The following NFASC variants were observed in gnomAD, a reference collection of about 807,000 sequenced individuals.
The protein encoded by NFASC is neurofascin, also known as neurofascin homolog.
In NFASC, 43 loss-of-function variants were observed where a neutral mutation model predicts 147.5. The ratio of observed to expected loss-of-function variants is 0.29; its 90% CI spans 0.23 to 0.38. The LOEUF is 0.38. Among genes scored for constraint, NFASC ranks in the 10% least tolerant of loss-of-function variants. The pLI is 1.00. For synonymous variants in NFASC, 622 were observed against 665.5 expected, an observed-to-expected ratio of 0.93 and a Z score of 1.01; for missense variants, 1,320 against 1,689.0, an observed-to-expected ratio of 0.78 and a Z score of 3.83.
At chr1:204,865,956 C>T (rs2077070873) in intron 1 of NFASC, among the ~76,000 whole-genome samples, 1 of 152,146 alleles carries the variant, frequency 6.6e-6, no homozygotes, top group South Asian at 2.1e-4. Context: ...TCCATTTGTA[C>T]CACACCCTTA....
chr1:204,930,820 G>T (rs2092300144), intron 2 of NFASC, among the ~76,000 whole-genome samples: 1 of 152,218 alleles, frequency 6.6e-6, no homozygotes, highest in South Asian at 2.1e-4. Context: ...GATGGCAGGA[G>T]GTGCAGAAAG....
intron 1 of NFASC, among the ~76,000 whole-genome samples, chr1:204,910,235 G>A (rs535822831): frequency 2.0e-5 from 3 of 152,232 alleles, no homozygotes; most frequent in Non-Finnish European, 2.9e-5. Flanking sequence ...CTCCATTTAT[G>A]TAGATATTTG....
intron 20 of NFASC, among the ~76,000 whole-genome samples, chr1:204,980,706 C>T (rs1351299814): frequency 6.6e-6 from 1 of 152,180 alleles, no homozygotes; most frequent in East Asian, 1.9e-4. Flanking sequence ...TCTAGCAAAA[C>T]GCATAGAGGA....
chr1:204,923,245 C>T (rs1277009458), intron 2 of NFASC, among the ~76,000 whole-genome samples: 1 of 152,162 alleles, frequency 6.6e-6, no homozygotes, highest in East Asian at 1.9e-4. Context: ...GGAGGAAGCC[C>T]TCCGTTTATC....
chr1:204,997,870 C>T (rs531595542), intron 25 of NFASC: 131 of 207,078 alleles, frequency 6.3e-4, no homozygotes, highest in African/African-American at 2.8e-3. Flanking sequence ...CGTCTGCGTC[C>T]GGCCTAGAGG....
chr1:204,922,581 T>C (rs1235536320), intron 2 of NFASC, among the ~76,000 whole-genome samples: 2 of 152,196 alleles, frequency 1.3e-5, no homozygotes, highest in African/African-American at 4.8e-5. Context: ...TAAGGCTCTC[T>C]GAGAAGTTAT....
At chr1:204,875,897 C>G (rs2078690041) in intron 1 of NFASC, among the ~76,000 whole-genome samples, 1 of 152,030 alleles carries the variant, frequency 6.6e-6, no homozygotes, top group Non-Finnish European at 1.5e-5. Flanking sequence ...CTGATAGGGT[C>G]TTTGTTTGAC....
intron 14 of NFASC, 110 bp downstream of exon 14, chr1:204,974,933 C>T: frequency 8.7e-7 from 1 of 1,150,336 alleles, no homozygotes; most frequent in Non-Finnish European, 1.3e-6. Flanking sequence ...TGTCTTTAAC[C>T]TGGAGTGGGC....
Position 204,990,939 on chromosome 1 carries a change from G to A in NFASC, c.2768-353G>A, listed in dbSNP as rs72753442. On this transcript the variant is annotated intron_variant, in intron 23 of 29. Transcript: ENST00000339876. ...CAACCTAGCCAGAGCAGGACATGCT[G>A]TTGAGGACAGAGCTGGGAACATAAT... Among the ~76,000 whole-genome samples the A allele has an allele frequency of 5.5e-3, 838 of 152,354 alleles. 11 individuals carry two copies. The highest frequency in any genetic ancestry group is 0.011 in the South Asian group (54 of 4,830).
rs12117381 is a variant in NFASC, at chr1:204,941,313, C to T, written c.-90-2913C>T. On this transcript the variant is annotated intron_variant, in intron 2 of 29. Transcript: ENST00000339876. ...AGAGGAAAGAGGGAGAGAATTGCTACACAGCTAAATGTGATTATCTTGAGA... is the reference window on the plus strand; with the variant it reads ...AGAGGAAAGAGGGAGAGAATTGCTATACAGCTAAATGTGATTATCTTGAGA... Among the ~76,000 whole-genome samples the T allele has an allele frequency of 3.5e-3, 539 of 152,344 alleles. 3 individuals carry two copies. Among genetic ancestry groups the T allele is most frequent in the Non-Finnish European group, 6.0e-3 (409 of 68,034 alleles).
chr1:204,943,789 A>G (rs1272946718), intron 2 of NFASC, among the ~76,000 whole-genome samples: 5 of 152,184 alleles, frequency 3.3e-5, no homozygotes, highest in Non-Finnish European at 7.4e-5. Flanking sequence ...ATTTCTTACC[A>G]GATCGGTGCA....
In NFASC at chr1:204,975,618, C is replaced by CCT. The variant is rs201849309; in HGVS notation, c.1706+206_1706+207dup. ...CCCCCCACCGACCCTGTACAACCTC[C>CCT]CTCTCTCCCACCAGCTCCCTGCTTC... On this transcript the variant is annotated intron_variant, in intron 15 of 29. Coordinates refer to ENST00000339876, the MANE Select transcript of NFASC (RefSeq NM_001005388.3). This position sits in a 1 kb window ranked among gnomAD's most constrained non-coding sequence, Gnocchi z 4.0. Among the ~76,000 whole-genome samples the CCT allele has an allele frequency of 5.6e-3, 854 of 152,218 alleles. 12 individuals are homozygous for CCT. The highest frequency in any genetic ancestry group is 0.01 in the South Asian group (49 of 4,822).
chr1:204,984,114 C>T (rs776451525), intron 21 of NFASC: 30 of 1,613,722 alleles, frequency 1.9e-5, no homozygotes, highest in African/African-American at 8.0e-5. Flanking sequence ...TACTCCGACA[C>T]GGTCCAGGGC....
intron 25 of NFASC, chr1:204,999,087 A>G (rs1196424542): frequency 6.6e-6 from 1 of 152,214 alleles, no homozygotes; most frequent in Non-Finnish European, 1.5e-5. Context: ...TCAGGGTGAA[A>G]TAGGCCTTTT....
chr1:205,009,747 C>A (rs757096074), intron 28 of NFASC, 59 bp downstream of exon 28: 79 of 1,546,766 alleles, frequency 5.1e-5, no homozygotes, highest in Non-Finnish European at 6.9e-5. Context: ...TCCCGTGAGT[C>A]TCCAGGTCTC....
intron 21 of NFASC, among the ~76,000 whole-genome samples, chr1:204,985,550 C>G (rs2150546302): frequency 6.6e-6 from 1 of 152,284 alleles, no homozygotes; most frequent in Middle Eastern, 3.4e-3. Context: ...CCTTGGCTCA[C>G]TATTTTTGGT....
At chr1:205,008,489 T>C in intron 27 of NFASC, 1 of 152,670 alleles carries the variant, frequency 6.6e-6, no homozygotes, top group Non-Finnish European at 1.5e-5. Context: ...CTTTGATCCT[T>C]CCCTTCTGTC....
At position 204,968,735 on chromosome 1, in the gene NFASC, G is replaced by C; in HGVS notation, c.819-63G>C. On this transcript the variant is annotated intron_variant, in intron 9 of 29. Coordinates refer to ENST00000339876, the MANE Select transcript of NFASC (RefSeq NM_001005388.3). This position sits in a 1 kb window ranked among gnomAD's most constrained non-coding sequence, Gnocchi z 5.4. ...TTAGGCCACCTGGGTGTCCCCAGCT[G>C]TATAGAAGAGGAGAAAGGCCACGTT... 4 of 1,496,714 alleles carry C rather than the reference G, an allele frequency of 2.7e-6. No individual in the cohort carries two copies. Among genetic ancestry groups the C allele is most frequent in the Non-Finnish European group, 2.7e-6 (3 of 1,101,120 alleles). The allele number at this position is 1,496,714 out of a possible 1,614,324, so 92.7% of individuals were successfully genotyped here.
chr1:204,980,250 A>G (rs547225012), intron 19 of NFASC, 120 bp from the exon 20 acceptor site: 5 of 765,882 alleles, frequency 6.5e-6, no homozygotes, highest in Admixed American at 4.1e-5. Flanking sequence ...AAGCGTATAC[A>G]TAGATGCCGA....
Sources: gnomAD v4.1 joint callset for allele counts (sites outside exome capture counted in the v4.1 genomes callset) on GRCh38, gnomAD v4.1.1 for gene constraint, Gnocchi (gnomAD v3.1) non-coding constraint, MANE v1.5 for transcripts, NCBI Gene and HGNC (gene_info 2026-07-23, HGNC 2026-07-21) for gene names.